SEC22A: variants seen among roughly 807,000 people sequenced by gnomAD.
The protein encoded by SEC22A is SEC22 homolog A, vesicle trafficking protein, also known as vesicle-trafficking protein SEC22a.
SEC22A carries 22 observed loss-of-function variants against 35.3 expected under a neutral mutation model. The observed-to-expected ratio is 0.62, with a 90% CI of 0.45 to 0.89. The LOEUF (loss-of-function observed/expected upper bound fraction) is 0.89. Among genes scored for constraint, SEC22A ranks in the 40% least tolerant of loss-of-function variants. The probability of loss-of-function intolerance (pLI) is 0.00; values close to 1 mark genes in which losing one functional copy is unlikely to be tolerated. For synonymous variants in SEC22A, 119 were observed against 129.5 expected, an observed-to-expected ratio of 0.92 and a Z score of 0.55; for missense variants, 354 against 362.5, an observed-to-expected ratio of 0.98 and a Z score of 0.19.
intron 2 of SEC22A, among the ~76,000 whole-genome samples, chr3:123,216,081 G>A (rs1937017044): frequency 1.3e-5 from 2 of 152,064 alleles, no homozygotes; most frequent in South Asian, 4.1e-4. Flanking sequence ...CTTTTCTCCT[G>A]CTTATTATGG....
chr3:123,212,006 A>G (rs575458338), intron 2 of SEC22A, among the ~76,000 whole-genome samples: 3 of 152,266 alleles, frequency 2.0e-5, no homozygotes, highest in East Asian at 1.9e-4. Context: ...GCAGTGAGCC[A>G]TGATCTCACC....
Position 123,271,526 on chromosome 3 carries a change from AT to A in SEC22A, c.731del (p.Leu244TyrfsTer15). ...LGTAACLYQC[Y>X]LLVYYTGWRN... ...TCATTTTTATATTTTGAACAGTGTT[AT>A]TTACTTGTCTACTACACCGGCTGGC... On this transcript the variant is annotated frameshift_variant, in exon 7 of 7. Transcript: ENST00000492595. LOFTEE classifies it high-confidence loss of function. The A allele has an allele frequency of 3.1e-6, 5 of 1,611,952 alleles. No homozygotes were observed. The highest frequency in any genetic ancestry group is 4.2e-6 in the Non-Finnish European group (5 of 1,179,328).
intron 6 of SEC22A, among the ~76,000 whole-genome samples, chr3:123,262,686 G>A (rs1157558970): frequency 1.3e-5 from 2 of 152,190 alleles, no homozygotes; most frequent in Non-Finnish European, 2.9e-5. Context: ...GCTAGGCTAA[G>A]CTATGATGTT....
At chr3:123,267,091 C>T (rs181949181) in intron 6 of SEC22A, among the ~76,000 whole-genome samples, 2 of 152,052 alleles carry the variant, frequency 1.3e-5, no homozygotes, top group East Asian at 1.9e-4. Context: ...CTTTTGATTA[C>T]TGTTTATGTG....
intron 5 of SEC22A, among the ~76,000 whole-genome samples, chr3:123,254,882 C>T (rs952371821): frequency 1.3e-5 from 2 of 151,392 alleles, no homozygotes; most frequent in African/African-American, 4.9e-5. Flanking sequence ...ATCCCTCCCC[C>T]CTCACCCCAC....
rs139138356 is a variant in SEC22A, at chr3:123,223,623, G to T, written c.247G>T (p.Ala83Ser). ...LCTENYPNVLAFSFLDELQKE... is the reference protein window; with the variant it reads ...LCTENYPNVLSFSFLDELQKE... ...CACTGAAAATTACCCAAATGTTCTC[G>T]CCTTCTCTTTCCTGGATGAGCTTCA... is the stretch of plus-strand genomic sequence containing the variant. Residue 83 changes from alanine (A) to serine (S), a missense_variant, in exon 3 of 7, where the codon GCC becomes TCC. Coordinates refer to ENST00000492595, the MANE Select transcript of SEC22A (RefSeq NM_012430.5). 4 of 1,613,180 alleles carry T rather than the reference G, an allele frequency of 2.5e-6. No homozygotes were observed. Among genetic ancestry groups the T allele is most frequent in the Admixed American group, 1.7e-5 (1 of 59,992 alleles).
chr3:123,226,655 T>C (rs932802810), intron 4 of SEC22A, among the ~76,000 whole-genome samples: 1 of 152,204 alleles, frequency 6.6e-6, no homozygotes, highest in African/African-American at 2.4e-5. Flanking sequence ...ATATTTTCTA[T>C]CATTCTGTGG....
intron 1 of SEC22A, among the ~76,000 whole-genome samples, chr3:123,203,979 A>G (rs1387819932): frequency 6.6e-6 from 1 of 152,210 alleles, no homozygotes; most frequent in East Asian, 1.9e-4. Context: ...CTAGTGAGGT[A>G]GAAGGCATAG....
chr3:123,246,102 A>T (rs1937563873), intron 5 of SEC22A, 88 bp downstream of exon 5: 1 of 717,526 alleles, frequency 1.4e-6, no homozygotes, highest in African/African-American at 1.8e-5. Flanking sequence ...GGGTATTAGT[A>T]TAATTTACAG....
chr3:123,267,021 T>C (rs1410354862), intron 6 of SEC22A, among the ~76,000 whole-genome samples: 1 of 152,138 alleles, frequency 6.6e-6, no homozygotes, highest in Non-Finnish European at 1.5e-5. Context: ...TCCCTGGTTA[T>C]TTTCTTTGCT....
intron 6 of SEC22A, among the ~76,000 whole-genome samples, chr3:123,269,702 G>A (rs928190562): frequency 2.8e-5 from 4 of 141,994 alleles, no homozygotes; most frequent in East Asian, 2.1e-4. Flanking sequence ...GTGTGATCTC[G>A]GCTCACTGCA....
chr3:123,223,059 T>G (rs1937157212), intron 2 of SEC22A, among the ~76,000 whole-genome samples: 1 of 152,206 alleles, frequency 6.6e-6, no homozygotes, highest in African/African-American at 2.4e-5. Context: ...AATTAATTAC[T>G]GTGTAAAGTA....
At chr3:123,267,210 G>C (rs986431943) in intron 6 of SEC22A, among the ~76,000 whole-genome samples, 2 of 151,130 alleles carry the variant, frequency 1.3e-5, no homozygotes, top group African/African-American at 4.9e-5. Context: ...GCCAATCTCT[G>C]TCTTTTCATT....
chr3:123,212,715 A>G (rs1048311066), intron 2 of SEC22A, among the ~76,000 whole-genome samples: 5 of 152,166 alleles, frequency 3.3e-5, no homozygotes, highest in Middle Eastern at 3.4e-3. Flanking sequence ...ATTTGAGGCA[A>G]TTTAGGAAAA....
rs550186912 is a variant in SEC22A, at chr3:123,220,894, A to G, written c.183-2665A>G. 1.7e-4 allele frequency among the ~76,000 whole-genome samples: 24 copies of G among 145,272 alleles called. 2 individuals carry two copies. In the South Asian group the frequency reaches 3.0e-3, roughly 18 times the overall value. ...TATATATATATACATATATATATAT[A>G]TATGTCACATGTATATATTCACACA... On this transcript the variant is annotated intron_variant, in intron 2 of 6. Coordinates refer to ENST00000492595, the MANE Select transcript of SEC22A (RefSeq NM_012430.5).
At chr3:123,257,658 C>G (rs547672548) in intron 5 of SEC22A, among the ~76,000 whole-genome samples, 19 of 151,622 alleles carry the variant, frequency 1.3e-4, no homozygotes, top group Non-Finnish European at 2.2e-4. Context: ...GAGATCGCGC[C>G]ACTGCATTCC....
intron 2 of SEC22A, among the ~76,000 whole-genome samples, chr3:123,218,724 C>CT (rs1435808701): frequency 7.2e-5 from 11 of 152,088 alleles, no homozygotes; most frequent in Non-Finnish European, 1.2e-4. Context: ...TGAGCTGCTG[C>CT]TTTGTGTAGA....
At chr3:123,243,616 T>C (rs773757948) in intron 4 of SEC22A, among the ~76,000 whole-genome samples, 9 of 152,206 alleles carry the variant, frequency 5.9e-5, no homozygotes, top group African/African-American at 2.2e-4. Flanking sequence ...CATATACTTA[T>C]CTGTTTTATC....
At chr3:123,268,629 A>G (rs1404200872) in intron 6 of SEC22A, among the ~76,000 whole-genome samples, 1 of 152,244 alleles carries the variant, frequency 6.6e-6, no homozygotes, top group African/African-American at 2.4e-5. Context: ...AAAATACTTC[A>G]TGATGTATCT....
Sources: allele counts gnomAD v4.1 joint callset (sites outside exome capture counted in the v4.1 genomes callset), GRCh38; gene constraint gnomAD v4.1.1; transcripts MANE v1.5; gene names NCBI Gene and HGNC (gene_info 2026-07-23, HGNC 2026-07-21).